The following NSUN6 variants were observed in gnomAD, a reference collection of about 807,000 sequenced individuals.
NSUN6 encodes the protein NOP2/Sun RNA methyltransferase 6, also known as tRNA (cytosine(72)-C(5))-methyltransferase NSUN6.
A neutral mutation model predicts 58.0 loss-of-function variants in NSUN6; 64 were observed. That is an observed-to-expected ratio of 1.10 (90% CI 0.90 to 1.36). The LOEUF is 1.36. Among genes scored for constraint, NSUN6 ranks in the 40% most tolerant of loss-of-function variants. NSUN6 has a pLI of 0.00. For synonymous variants in NSUN6, 231 were observed against 193.9 expected (o/e 1.19, Z -1.59); for missense variants, 701 against 550.1 (o/e 1.27, Z -2.74).
upstream of NSUN6, among the ~76,000 whole-genome samples, chr10:18,657,591 A>G (rs537693997): frequency 1.3e-4 from 20 of 152,038 alleles, no homozygotes; most frequent in African/African-American, 4.8e-4. Context: ...TTTTGCTTCA[A>G]ATCTCTGCAT....
chr10:18,572,183 T>TTG (rs2056403505), intron 8 of NSUN6, among the ~76,000 whole-genome samples: 1 of 151,552 alleles, frequency 6.6e-6, no homozygotes, highest in South Asian at 2.1e-4. Flanking sequence ...CTCCATTCCA[T>TTG]TCTATTGTCT....
At chr10:18,559,996 G>A (rs1279880554) in intron 8 of NSUN6, among the ~76,000 whole-genome samples, 2 of 150,132 alleles carry the variant, frequency 1.3e-5, no homozygotes, top group African/African-American at 4.9e-5. Context: ...ATGGAATAGA[G>A]AATGGAATGC....
At chr10:18,649,953 G>C (rs977122659) in intron 1 of NSUN6, among the ~76,000 whole-genome samples, 2 of 152,080 alleles carry the variant, frequency 1.3e-5, no homozygotes, top group African/African-American at 4.8e-5. Context: ...AAATCTAAAA[G>C]GCATGGCTTC....
At chr10:18,564,765 G>A (rs995439832) in intron 8 of NSUN6, among the ~76,000 whole-genome samples, 33 of 103,648 alleles carry the variant, frequency 3.2e-4, no homozygotes, top group Non-Finnish European at 7.1e-4. Context: ...ATACCATACT[G>A]CATTCCATTC....
At chr10:18,650,890 G>A (rs1420789156) in intron 1 of NSUN6, among the ~76,000 whole-genome samples, 9 of 152,170 alleles carry the variant, frequency 5.9e-5, no homozygotes, top group Non-Finnish European at 8.8e-5. Context: ...ATGCCTGACA[G>A]GCACATGCCT....
At chr10:18,615,606 C>T (rs935981667) in intron 4 of NSUN6, among the ~76,000 whole-genome samples, 3 of 152,166 alleles carry the variant, frequency 2.0e-5, no homozygotes, top group Non-Finnish European at 4.4e-5. Context: ...TAGTAGTTGA[C>T]CCAATTCTGA....
chr10:18,560,096 G>C lies in NSUN6; in HGVS notation c.923-8125C>G, dbSNP rs1024837451. ...ATGGAATGGAATGGAGAATGGAATGGAGAAAGGAAGGGAAGGGAATGGAAT... is the reference window on the plus strand; with the variant it reads ...ATGGAATGGAATGGAGAATGGAATGCAGAAAGGAAGGGAAGGGAATGGAAT... On this transcript the variant is annotated intron_variant, in intron 8 of 10. Transcript: ENST00000377304. Among the ~76,000 whole-genome samples, 5 of 151,122 alleles carry C rather than the reference G, an allele frequency of 3.3e-5. No homozygotes were observed. In the South Asian group the frequency reaches 8.4e-4, roughly 25 times the overall value.
intron 6 of NSUN6, among the ~76,000 whole-genome samples, chr10:18,602,660 G>A (rs559122016): frequency 5.3e-5 from 8 of 152,092 alleles, no homozygotes; most frequent in Non-Finnish European, 1.2e-4. Flanking sequence ...ATGAGCCACC[G>A]CGCCCAGCCT....
At chr10:18,555,305 T>C (rs533345889) in intron 8 of NSUN6, among the ~76,000 whole-genome samples, 9 of 142,320 alleles carry the variant, frequency 6.3e-5, no homozygotes, top group Non-Finnish European at 1.4e-4. Context: ...GAATGGAGAA[T>C]GGAATAGAGT....
At chr10:18,563,521 G>C (rs765828564) in intron 8 of NSUN6, among the ~76,000 whole-genome samples, 6 of 150,566 alleles carry the variant, frequency 4.0e-5, no homozygotes, top group Non-Finnish European at 9.0e-5. Context: ...ATATGGGATA[G>C]AATGGAGAGT....
chr10:18,621,695 C>T (rs967482966), intron 3 of NSUN6, among the ~76,000 whole-genome samples: 1 of 151,924 alleles, frequency 6.6e-6, no homozygotes, highest in Non-Finnish European at 1.5e-5. Context: ...TATAAATACA[C>T]CTAGATTGAG....
intron 6 of NSUN6, among the ~76,000 whole-genome samples, chr10:18,599,473 C>T (rs2057721943): frequency 6.6e-6 from 1 of 152,100 alleles, no homozygotes; most frequent in Admixed American, 6.6e-5. Flanking sequence ...ACCGGGTAAG[C>T]TTAGGAAGAA....
At chr10:18,657,890 G>A (rs1380495315), upstream of NSUN6, among the ~76,000 whole-genome samples, 1 of 151,686 alleles carries the variant, frequency 6.6e-6, no homozygotes, top group Non-Finnish European at 1.5e-5. Flanking sequence ...GGGATTACAA[G>A]CATGAGCCCC....
At chr10:18,651,851 A>G, upstream of NSUN6, 2 of 985,454 alleles carry the variant, frequency 2.0e-6, no homozygotes, top group South Asian at 4.7e-5. Context: ...GCTAGGTGCC[A>G]GGGGCAATGG....
At chr10:18,609,098 C>T (rs1424797907) in intron 6 of NSUN6, among the ~76,000 whole-genome samples, 1 of 152,028 alleles carries the variant, frequency 6.6e-6, no homozygotes, top group African/African-American at 2.4e-5. Flanking sequence ...CACTTGAGGC[C>T]ACGAGTTTGA....
At chr10:18,574,866 A>G (rs750412828) in intron 8 of NSUN6, among the ~76,000 whole-genome samples, 1 of 152,156 alleles carries the variant, frequency 6.6e-6, no homozygotes, top group Non-Finnish European at 1.5e-5. Flanking sequence ...ACTATTGTCC[A>G]TGTTTCCGGA....
At chr10:18,564,021 CCATTA>C (rs896221970) in intron 8 of NSUN6, among the ~76,000 whole-genome samples, 9 of 151,312 alleles carry the variant, frequency 5.9e-5, no homozygotes, top group Admixed American at 2.0e-4. Flanking sequence ...ATTCTATTCT[CCATTA>C]CATTTTACAT....
At chr10:18,559,071 G>A (rs897916411) in intron 8 of NSUN6, among the ~76,000 whole-genome samples, 1 of 151,616 alleles carries the variant, frequency 6.6e-6, no homozygotes, top group African/African-American at 2.4e-5. Flanking sequence ...ATGGAGAATG[G>A]AATGGAATGG....
chr10:18,594,737 G>T (rs1056510977), intron 7 of NSUN6, among the ~76,000 whole-genome samples: 4 of 152,030 alleles, frequency 2.6e-5, no homozygotes, highest in Non-Finnish European at 5.9e-5. Flanking sequence ...TGTCTGCATT[G>T]CTGCCCCACT....
Sources: allele counts gnomAD v4.1 joint callset (sites outside exome capture counted in the v4.1 genomes callset), GRCh38; gene constraint gnomAD v4.1.1; transcripts MANE v1.5; gene names NCBI Gene and HGNC (gene_info 2026-07-23, HGNC 2026-07-21).